ZC2HC1A: variants seen among roughly 807,000 people sequenced by gnomAD.
The protein encoded by ZC2HC1A is zinc finger C2HC-type containing 1A, also known as zinc finger C2HC domain-containing protein 1A.
Under a neutral mutation model 40.7 loss-of-function variants are expected in ZC2HC1A, and 28 were observed. That is an observed-to-expected ratio of 0.69 (90% confidence interval 0.51 to 0.94). ZC2HC1A has a LOEUF of 0.94. ZC2HC1A is among the 40% of genes least tolerant of loss of function. The probability of loss-of-function intolerance (pLI) is 0.00; values close to 1 mark genes in which losing one functional copy is unlikely to be tolerated. For synonymous variants in ZC2HC1A, 129 were observed against 129.2 expected (o/e 1.00, Z 0.01); for missense variants, 389 against 386.3 (o/e 1.01, Z -0.06).
intron 3 of ZC2HC1A, among the ~76,000 whole-genome samples, chr8:78,681,792 T>C (rs1809791424): frequency 6.6e-6 from 1 of 152,156 alleles, no homozygotes; most frequent in African/African-American, 2.4e-5. Flanking sequence ...GTCATAATTA[T>C]TAAATTTATT....
intron 7 of ZC2HC1A, among the ~76,000 whole-genome samples, chr8:78,701,671 T>C (rs1331710862): frequency 1.3e-5 from 2 of 152,258 alleles, no homozygotes; most frequent in African/African-American, 4.8e-5. Flanking sequence ...GTTCCTGCAA[T>C]ACCTAGTTTA....
rs1478295678 is a variant in ZC2HC1A at position 78,666,461 on chromosome 8, T to G, written c.16+297T>G. ...CTTCCTACCATTTTCTGATCTTGCT[T>G]GACTCCTGAGTGCCCTTTTAGTGAT... On this transcript the variant is annotated intron_variant, in intron 1 of 8. Transcript: ENST00000263849. Among the ~76,000 whole-genome samples the G allele has an allele frequency of 2.0e-5, 3 of 152,240 alleles. No homozygotes were observed. The South Asian group carries it at 6.2e-4, about 32-fold the overall frequency.
Position 78,689,173 on chromosome 8 carries a change from C to T in ZC2HC1A, c.353-49C>T, listed in dbSNP as rs778017845. The T allele has an allele frequency of 1.6e-5, 21 of 1,309,292 alleles. No homozygotes were observed. In the Admixed American group the frequency reaches 2.4e-4, roughly 15 times the overall value. The allele number at this position is 1,309,292 out of a possible 1,614,324, so 81.1% of individuals were successfully genotyped here. The stretch of plus-strand genomic sequence containing the variant: ...TAGAAACTTAAGATTTTTTAATGTC[C>T]GTTTCAAGTACTATGCTATTAATCT... On this transcript the variant is annotated intron_variant, in intron 4 of 8. Coordinates refer to ENST00000263849, the MANE Select transcript of ZC2HC1A (RefSeq NM_016010.3).
At position 78,682,093 on chromosome 8, in the gene ZC2HC1A, G is replaced by C. The variant is rs758711426; in HGVS notation, c.210+3414G>C. Among the ~76,000 whole-genome samples, 3 of 151,406 alleles carry C rather than the reference G, an allele frequency of 2.0e-5. No homozygotes were observed. In the South Asian group the frequency reaches 6.2e-4, roughly 31 times the overall value. On this transcript the variant is annotated intron_variant, in intron 3 of 8. Coordinates refer to ENST00000263849, the MANE Select transcript of ZC2HC1A (RefSeq NM_016010.3). Reference sequence around the variant, plus strand: ...TTTGTGGATTCAACACATAATTCTTGATTTTAAAAATATAGACATAGTAGG... The same window carrying C: ...TTTGTGGATTCAACACATAATTCTTCATTTTAAAAATATAGACATAGTAGG...
chr8:78,712,816 A>G (rs555846311), intron 7 of ZC2HC1A, among the ~76,000 whole-genome samples: 1 of 152,218 alleles, frequency 6.6e-6, no homozygotes, highest in African/African-American at 2.4e-5. Context: ...TAATATACCT[A>G]TTAATGGTGG....
In ZC2HC1A at chr8:78,697,526, A is replaced by C. The variant is rs377605327; in HGVS notation, c.604+20A>C. The stretch of plus-strand genomic sequence containing the variant: ...TTGTAGGTAATGATAGCCGAAAAGC[A>C]ACTTGATTTGTTTTTGAAACCATGT... On this transcript the variant is annotated intron_variant, in intron 6 of 8. Transcript: ENST00000263849. 3.1e-6 allele frequency: 5 copies of C among 1,590,744 alleles called. No individual in the cohort carries two copies. Among genetic ancestry groups the C allele is most frequent in the Non-Finnish European group, 4.3e-6 (5 of 1,166,280 alleles).
intron 7 of ZC2HC1A, among the ~76,000 whole-genome samples, chr8:78,700,576 T>C (rs1810567135): frequency 6.6e-6 from 1 of 152,234 alleles, no homozygotes; most frequent in African/African-American, 2.4e-5. Flanking sequence ...ATAAAATCTT[T>C]GCTGCTGCCT....
At chr8:78,671,453 C>T (rs1274022338) in intron 1 of ZC2HC1A, among the ~76,000 whole-genome samples, 19 of 152,162 alleles carry the variant, frequency 1.2e-4, no homozygotes. Context: ...TGAATATCAT[C>T]TTTCTCTTGT....
Position 78,684,969 on chromosome 8 carries a change from G to C in ZC2HC1A, c.211-1498G>C, listed in dbSNP as rs28575807. Among the ~76,000 whole-genome samples, 790 of 152,146 alleles carry C rather than the reference G, an allele frequency of 5.2e-3. 6 individuals are homozygous for C. Among genetic ancestry groups the C allele is most frequent in the African/African-American group, 0.018 (731 of 41,504 alleles). On this transcript the variant is annotated intron_variant, in intron 3 of 8. Transcript: ENST00000263849. ...TGTGATTCTTAATTTTTAAAAATTAGACAAGTTGATTCAAAAGTTTACATC... is the reference window on the plus strand; with the variant it reads ...TGTGATTCTTAATTTTTAAAAATTACACAAGTTGATTCAAAAGTTTACATC...
chr8:78,704,391 A>AG (rs1306284757), intron 7 of ZC2HC1A, among the ~76,000 whole-genome samples: 46 of 151,094 alleles, frequency 3.0e-4, no homozygotes, highest in African/African-American at 1.1e-3. Flanking sequence ...CCATCTCAAA[A>AG]AAAAAAAAAA....
chr8:78,681,671 CAGG>C, intron 3 of ZC2HC1A, among the ~76,000 whole-genome samples: 1 of 152,130 alleles, frequency 6.6e-6, no homozygotes, highest in Middle Eastern at 3.4e-3. Context: ...GTAGCTGAGC[CAGG>C]AGGTTTCTTT....
chr8:78,715,306 T>G lies in ZC2HC1A; in HGVS notation c.790T>G (p.Tyr264Asp), dbSNP rs765810424. ...TGTGCTTACAAACAAAAGAAAAACA[T>G]ATACTGAGAGCTACATAGCCAGGTA... Reference protein sequence around the residue: ...PGVLTNKRKTYTESYIARPDG... With the variant: ...PGVLTNKRKTDTESYIARPDG... Residue 264 changes from tyrosine to aspartate, a missense_variant, in exon 8 of 9, where the codon TAT (tyrosine) becomes GAT (aspartate). Tyr to Asp is a radical substitution (Grantham distance 160). Coordinates refer to ENST00000263849, the MANE Select transcript of ZC2HC1A (RefSeq NM_016010.3). 6.2e-7 allele frequency: 1 copy of G among 1,613,468 alleles called. No individual in the cohort carries two copies. Among genetic ancestry groups the G allele is most frequent in the Admixed American group, 1.7e-5 (1 of 59,922 alleles).
intron 7 of ZC2HC1A, among the ~76,000 whole-genome samples, chr8:78,703,833 G>A (rs930420091): frequency 1.3e-5 from 2 of 152,084 alleles, no homozygotes; most frequent in Non-Finnish European, 2.9e-5. Context: ...GATGCTAGCT[G>A]GTTATTTGGC....
At chr8:78,679,236 A>G (rs983346200) in intron 3 of ZC2HC1A, 4 of 152,192 alleles carry the variant, frequency 2.6e-5, no homozygotes, top group African/African-American at 9.6e-5. Context: ...AACCAAAGCA[A>G]TGAATCTATT....
At chr8:78,667,049 TC>T (rs1237489070) in intron 1 of ZC2HC1A, among the ~76,000 whole-genome samples, 1 of 152,168 alleles carries the variant, frequency 6.6e-6, no homozygotes, top group East Asian at 1.9e-4. Flanking sequence ...TTAGCTCCTT[TC>T]CCCCGTCTCC....
At chr8:78,692,182 G>A (rs1810233088) in intron 5 of ZC2HC1A, among the ~76,000 whole-genome samples, 1 of 152,022 alleles carries the variant, frequency 6.6e-6, no homozygotes, top group Non-Finnish European at 1.5e-5. Context: ...TCATCTCCTT[G>A]TTCTTTCTTC....
intron 2 of ZC2HC1A, among the ~76,000 whole-genome samples, chr8:78,676,511 G>A (rs371269381): frequency 3.3e-5 from 5 of 152,018 alleles, no homozygotes; most frequent in Admixed American, 6.6e-5. Flanking sequence ...TGTACCTTAC[G>A]TATTTTAACT....
chr8:78,669,977 T>TG (rs1246694677), intron 1 of ZC2HC1A, among the ~76,000 whole-genome samples: 1 of 150,274 alleles, frequency 6.7e-6, no homozygotes, highest in East Asian at 2.0e-4. Flanking sequence ...CTTTCTTTTT[T>TG]TTTTTTTGAT....
At chr8:78,674,346 A>C (rs1041175439) in intron 1 of ZC2HC1A, among the ~76,000 whole-genome samples, 1 of 152,216 alleles carries the variant, frequency 6.6e-6, no homozygotes, top group Admixed American at 6.6e-5. Flanking sequence ...TGAATTTTAA[A>C]ATCATTGCTT....
Sources: gnomAD v4.1 joint callset for allele counts (sites outside exome capture counted in the v4.1 genomes callset) on GRCh38, gnomAD v4.1.1 for gene constraint, MANE v1.5 for transcripts, NCBI Gene and HGNC (gene_info 2026-07-23, HGNC 2026-07-21) for gene names.